The following C14orf39 variants were observed in gnomAD, a reference collection of about 807,000 sequenced individuals.
C14orf39 encodes chromosome 14 open reading frame 39, also known as protein SIX6OS1.
Under a neutral mutation model 85.6 loss-of-function variants are expected in C14orf39, and 66 were observed. The ratio of observed to expected loss-of-function variants is 0.77; its 90% CI spans 0.63 to 0.95. The LOEUF is 0.95. Ranked by LOEUF, C14orf39 falls within the 40% of genes least tolerant of loss-of-function variation. C14orf39 has a pLI of 0.00. For synonymous variants in C14orf39, 242 were observed against 214.0 expected (o/e 1.13, Z -1.14); for missense variants, 735 against 663.9 (o/e 1.11, Z -1.18).
intron 8 of C14orf39, 68 bp from the exon 9 acceptor site, chr14:60,468,604 A>T (rs1444561070): frequency 1.2e-6 from 1 of 846,956 alleles, no homozygotes; most frequent in African/African-American, 1.8e-5. Flanking sequence ...GATATGCTTT[A>T]TCTTATGTTT....
chr14:60,442,359 C>T (rs1412785761), intron 16 of C14orf39, among the ~76,000 whole-genome samples: 1 of 152,118 alleles, frequency 6.6e-6, no homozygotes. Context: ...ATACACTGTA[C>T]TAAAGATAGC....
In C14orf39 at chr14:60,461,485, ATTT is replaced by A; in HGVS notation, c.1058+20_1058+22del. ...TATAAATTATTTCAGAGATTAAAGCATTTTCTTATTTTAAAAAGTTACCTGACT... is the reference window on the plus strand; with the variant it reads ...TATAAATTATTTCAGAGATTAAAGCATCTTATTTTAAAAAGTTACCTGACT... On this transcript the variant is annotated intron_variant, in intron 12 of 17. Transcript: ENST00000321731. 1 of 1,572,200 alleles carries A rather than the reference ATTT, an allele frequency of 6.4e-7. No individual in the cohort carries two copies. Among genetic ancestry groups the A allele is most frequent in the Non-Finnish European group, 8.6e-7 (1 of 1,157,876 alleles).
At chr14:60,495,876 A>G (rs1215141411) in intron 2 of C14orf39, 2 of 385,706 alleles carry the variant, frequency 5.2e-6, no homozygotes, top group Non-Finnish European at 1.0e-5. Flanking sequence ...GCACTACAGT[A>G]TAGAATATAG....
chr14:60,481,120 C>G (rs1217860184), intron 4 of C14orf39, among the ~76,000 whole-genome samples: 1 of 151,958 alleles, frequency 6.6e-6, no homozygotes, highest in Non-Finnish European at 1.5e-5. Context: ...ATTCTCATCA[C>G]AAAAAAATAA....
At chr14:60,467,144 G>A (rs955514916) in intron 9 of C14orf39, 100 bp from the exon 10 acceptor site, 14 of 491,538 alleles carry the variant, frequency 2.8e-5, no homozygotes, top group Admixed American at 1.4e-4. Flanking sequence ...AAAACCCCTC[G>A]TTTTGCAGAT....
At chr14:60,505,353 T>C (rs1304305683) in intron 1 of C14orf39, among the ~76,000 whole-genome samples, 3 of 152,240 alleles carry the variant, frequency 2.0e-5, no homozygotes, top group Non-Finnish European at 4.4e-5. Flanking sequence ...CATCTATATT[T>C]ATGCATATGA....
At chr14:60,503,287 G>A (rs1414013399) in intron 1 of C14orf39, among the ~76,000 whole-genome samples, 3 of 152,116 alleles carry the variant, frequency 2.0e-5, no homozygotes, top group Non-Finnish European at 4.4e-5. Context: ...GCTTGCAAGG[G>A]TTATACCACC....
intron 16 of C14orf39, among the ~76,000 whole-genome samples, chr14:60,453,565 A>G (rs889841337): frequency 9.9e-5 from 15 of 151,800 alleles, no homozygotes; most frequent in African/African-American, 3.4e-4. Flanking sequence ...TAAAAAGCAC[A>G]TTATTTGGTG....
chr14:60,478,395 GA>G lies in C14orf39; in HGVS notation c.234-7del. 2 of 1,514,740 alleles carry G rather than the reference GA, an allele frequency of 1.3e-6. No homozygotes were observed. The allele number at this position is 1,514,740 out of a possible 1,614,324, so 93.8% of individuals were successfully genotyped here. Reference sequence around the variant, plus strand: ...CATCACATGTTGGCTTCCAGCTATAGAAAAAAATATATTTGTAATTAGCAAC... The same window carrying G: ...CATCACATGTTGGCTTCCAGCTATAGAAAAAATATATTTGTAATTAGCAAC... On this transcript the variant is annotated splice_polypyrimidine_tract_variant and splice_region_variant and intron_variant, in intron 4 of 17. Transcript: ENST00000321731.
intron 1 of C14orf39, chr14:60,510,113 T>C (rs1893268348): frequency 2.7e-6 from 2 of 746,552 alleles, no homozygotes; most frequent in Non-Finnish European, 4.5e-6. Context: ...GAGCCCTGCG[T>C]TCTGGGCTCC....
In C14orf39 at chr14:60,509,754, T is replaced by TC. The variant is rs1331088389; in HGVS notation, c.-144+5640dup. The stretch of plus-strand genomic sequence containing the variant: ...GACAAGTACCGAGTAAGGAAGAAGT[T>TC]CCCGCTGCCGCGCACCATTTGGGAC... On this transcript the variant is annotated intron_variant, in intron 1 of 5. Transcript: ENST00000556799. 2.5e-6 allele frequency: 4 copies of TC among 1,613,066 alleles called. No individual in the cohort carries two copies. In the Admixed American group the frequency reaches 6.7e-5, roughly 27 times the overall value.
chr14:60,447,612 T>C (rs1016740783), intron 16 of C14orf39, among the ~76,000 whole-genome samples: 1 of 152,112 alleles, frequency 6.6e-6, no homozygotes, highest in Non-Finnish European at 1.5e-5. Flanking sequence ...AAAATGGCCA[T>C]ACTGCCCAAG....
At chr14:60,469,752 G>GAAACA in intron 7 of C14orf39, 99 bp from the exon 8 acceptor site, 3 of 561,574 alleles carry the variant, frequency 5.3e-6, no homozygotes, top group Non-Finnish European at 8.0e-6. Context: ...TCATTTATAT[G>GAAACA]TATGTTTCAT....
At chr14:60,459,006 C>T (rs1048719788) in intron 13 of C14orf39, among the ~76,000 whole-genome samples, 1 of 151,700 alleles carries the variant, frequency 6.6e-6, no homozygotes. Flanking sequence ...TTCATATTCA[C>T]CATGTCTTGC....
intron 8 of C14orf39, among the ~76,000 whole-genome samples, chr14:60,468,862 T>C (rs1891928242): frequency 6.6e-6 from 1 of 151,598 alleles, no homozygotes; most frequent in Non-Finnish European, 1.5e-5. Flanking sequence ...ATCTACTTTC[T>C]TCTGTTTACT....
intron 4 of C14orf39, among the ~76,000 whole-genome samples, chr14:60,482,218 G>A (rs1026108094): frequency 1.7e-4 from 26 of 152,138 alleles, no homozygotes; most frequent in Non-Finnish European, 3.1e-4. Flanking sequence ...GTTCTACGGG[G>A]AAACTATTAG....
intron 7 of C14orf39, 95 bp from the exon 8 acceptor site, chr14:60,469,748 A>G (rs990580747): frequency 1.7e-6 from 1 of 576,746 alleles, no homozygotes; most frequent in African/African-American, 2.0e-5. Flanking sequence ...GACATCATTT[A>G]TATGTATGTT....
intron 17 of C14orf39, among the ~76,000 whole-genome samples, chr14:60,441,812 G>T (rs1442318490): frequency 6.6e-6 from 1 of 152,102 alleles, no homozygotes; most frequent in East Asian, 1.9e-4. Flanking sequence ...GTTGCAAAGA[G>T]TCTTAATATG....
intron 2 of C14orf39, chr14:60,496,042 G>T: frequency 1.3e-6 from 1 of 749,420 alleles, no homozygotes; most frequent in South Asian, 1.4e-5. Flanking sequence ...TTGGCATGAG[G>T]TAGCTTGGCT....
Sources: gnomAD v4.1 joint callset for allele counts (sites outside exome capture counted in the v4.1 genomes callset) on GRCh38, gnomAD v4.1.1 for gene constraint, MANE v1.5 for transcripts, NCBI Gene and HGNC (gene_info 2026-07-23, HGNC 2026-07-21) for gene names.